The following SLC35F5 variants were observed in gnomAD, a reference collection of about 807,000 sequenced individuals.
SLC35F5 encodes solute carrier family 35 member F5.
SLC35F5 carries 54 observed loss-of-function variants against 68.6 expected under a neutral mutation model. The observed-to-expected ratio is 0.79, with a 90% confidence interval of 0.63 to 0.99. The LOEUF (loss-of-function observed/expected upper bound fraction) is 0.99, where lower values mean the gene tolerates loss of function less well. Among genes scored for constraint, SLC35F5 ranks in the 50% least tolerant of loss-of-function variants. SLC35F5 has a pLI of 0.00. For missense variants in SLC35F5, 567 were observed against 626.9 expected, an observed-to-expected ratio of 0.90 and a Z score of 1.02; for synonymous variants, 211 against 205.2, an observed-to-expected ratio of 1.03 and a Z score of -0.24.
At chr2:113,703,403 A>G (rs1415299978), downstream of SLC35F5, among the ~76,000 whole-genome samples, 2 of 152,212 alleles carry the variant, frequency 1.3e-5, no homozygotes, top group Non-Finnish European at 2.9e-5. Flanking sequence ...TTCCCTGCTT[A>G]TGATTAAAAG....
intron 5 of SLC35F5, 51 bp downstream of exon 5, chr2:113,746,226 A>G (rs1291261803): frequency 6.9e-7 from 1 of 1,440,384 alleles, no homozygotes; most frequent in Non-Finnish European, 9.7e-7. Context: ...AGTTTTTCCT[A>G]CCATGGCTCA....
At position 113,731,828 on chromosome 2, in the gene SLC35F5, G is replaced by C. The variant is rs566731904; in HGVS notation, c.921-180C>G. Among the ~76,000 whole-genome samples the C allele has an allele frequency of 2.0e-4, 31 of 152,146 alleles. No homozygotes were observed. In the South Asian group the frequency reaches 6.4e-3, roughly 32 times the overall value. ...AATATAATAATATAGTGTTATATTTGTATTAACTCATTTAATCCTCACAAA... is the reference window on the plus strand; with the variant it reads ...AATATAATAATATAGTGTTATATTTCTATTAACTCATTTAATCCTCACAAA... On this transcript the variant is annotated intron_variant, in intron 9 of 15. Coordinates refer to ENST00000245680, the MANE Select transcript of SLC35F5 (RefSeq NM_025181.5).
intron 7 of SLC35F5, chr2:113,742,076 T>C (rs1676297989): frequency 6.6e-6 from 1 of 152,216 alleles, no homozygotes; most frequent in African/African-American, 2.4e-5. Flanking sequence ...ATGTTAGAGT[T>C]CTAACTCAGA....
intron 12 of SLC35F5, among the ~76,000 whole-genome samples, chr2:113,724,310 T>C (rs747667114): frequency 6.6e-6 from 1 of 152,124 alleles, no homozygotes; most frequent in African/African-American, 2.4e-5. Flanking sequence ...TGGATCCAAT[T>C]TAGCTAAAGG....
chr2:113,702,910 A>G (rs1686723945), downstream of SLC35F5, among the ~76,000 whole-genome samples: 1 of 152,102 alleles, frequency 6.6e-6, no homozygotes, highest in African/African-American at 2.4e-5. Context: ...GGAGTTCGAG[A>G]CCAGCCTAGG....
rs1195425306 is a variant in SLC35F5 at position 113,712,594 on chromosome 2, C to A, written c.*2624G>T. On this transcript the variant is annotated 3_prime_UTR_variant, in exon 16 of 16. Coordinates refer to ENST00000245680, the MANE Select transcript of SLC35F5 (RefSeq NM_025181.5). The stretch of plus-strand genomic sequence containing the variant: ...CCTCCCAAAGTGCTGGGACTACAGG[C>A]GTGAGCCACCACGCCCGGCCCAAAA... Among the ~76,000 whole-genome samples the A allele has an allele frequency of 1.3e-5, 2 of 152,166 alleles. No homozygotes were observed. Among genetic ancestry groups the A allele is most frequent in the Non-Finnish European group, 2.9e-5 (2 of 68,024 alleles).
intron 13 of SLC35F5, among the ~76,000 whole-genome samples, chr2:113,722,445 T>C (rs1258536874): frequency 1.3e-5 from 2 of 152,148 alleles, no homozygotes; most frequent in Non-Finnish European, 2.9e-5. Context: ...AAAAGTTAAA[T>C]GCCTACATAT....
Position 113,719,141 on chromosome 2 carries a change from G to T in SLC35F5, c.1496+13C>A. The T allele has an allele frequency of 6.2e-7, 1 of 1,600,550 alleles. No homozygotes were observed. Among genetic ancestry groups the T allele is most frequent in the South Asian group, 1.1e-5 (1 of 87,924 alleles). On this transcript the variant is annotated intron_variant, in intron 14 of 15. Transcript: ENST00000245680. ...ACACTATTTTTAAAAATGTGTATTG[G>T]GACTAAACTTACCTCTGAATTCGAT...
rs933044365 is a variant in SLC35F5, at chr2:113,712,147, G to A, written c.*3071C>T. Among the ~76,000 whole-genome samples the A allele has an allele frequency of 6.6e-6, 1 of 152,172 alleles. No homozygotes were observed. The highest frequency in any genetic ancestry group is 1.5e-5 in the Non-Finnish European group (1 of 68,032). On this transcript the variant is annotated 3_prime_UTR_variant, in exon 16 of 16. Coordinates refer to ENST00000245680, the MANE Select transcript of SLC35F5 (RefSeq NM_025181.5). ...TTCTACAAGAACAATGAACTTATTTGTCAGCTGCCAGGGGGAAAATCAGCT... is the reference window on the plus strand; with the variant it reads ...TTCTACAAGAACAATGAACTTATTTATCAGCTGCCAGGGGGAAAATCAGCT...
rs750775700 is a variant in SLC35F5 at position 113,711,832 on chromosome 2, ACATTT to A, written c.*3381_*3385del. 2.4e-4 allele frequency among the ~76,000 whole-genome samples: 37 copies of A among 152,256 alleles called. No homozygotes were observed. The highest frequency in any genetic ancestry group is 4.4e-4 in the Non-Finnish European group (30 of 68,046). On this transcript the variant is annotated 3_prime_UTR_variant, in exon 16 of 16. Coordinates refer to ENST00000245680, the MANE Select transcript of SLC35F5 (RefSeq NM_025181.5). ...ACTATACTTACTTAATATGAAAATG[ACATTT>A]CATTTATTTGCTAATATGTGGAAAA...
intron 11 of SLC35F5, among the ~76,000 whole-genome samples, chr2:113,727,109 C>G (rs1418246752): frequency 6.6e-6 from 1 of 152,102 alleles, no homozygotes; most frequent in African/African-American, 2.4e-5. Context: ...TGAGTTCTTA[C>G]AAGATTTGAT....
In SLC35F5 at chr2:113,725,536, A is replaced by G; in HGVS notation, c.1092T>C (p.Gly364=). 1 of 1,573,940 alleles carries G rather than the reference A, an allele frequency of 6.4e-7. No individual in the cohort carries two copies. Among genetic ancestry groups the G allele is most frequent in the South Asian group, 1.2e-5 (1 of 84,064 alleles). ...EDKLDIPMFF[G]FVGLFNLLLL... ...GCAGCAGATTAAACAAACCTACAAA[A>G]CCTGAACATGTATAAAAGAGACAAG... is the stretch of plus-strand genomic sequence containing the variant. Residue 364 remains glycine, a splice_region_variant and synonymous_variant, in exon 12 of 16, where the codon GGT becomes GGC. Coordinates refer to ENST00000245680, the MANE Select transcript of SLC35F5 (RefSeq NM_025181.5).
At chr2:113,721,318 C>A (rs957013755) in intron 13 of SLC35F5, 1 of 151,774 alleles carries the variant, frequency 6.6e-6, no homozygotes, top group Non-Finnish European at 1.5e-5. Flanking sequence ...TGAAGACAAT[C>A]AAGAACACCA....
At chr2:113,739,452 G>T (rs34004564) in intron 7 of SLC35F5, among the ~76,000 whole-genome samples, 11,997 of 152,178 alleles carry the variant, frequency 0.079, 629 homozygotes, top group Non-Finnish European at 0.12. Context: ...TGTATGTCTG[G>T]ACTATATTCC....
intron 12 of SLC35F5, 115 bp from the exon 13 acceptor site, chr2:113,723,309 A>G: frequency 4.1e-6 from 2 of 483,884 alleles, no homozygotes; most frequent in South Asian, 7.7e-5. Flanking sequence ...CAAAGATAAG[A>G]GGCTAGGATG....
In SLC35F5 at chr2:113,712,893, A is replaced by T. The variant is rs950527152; in HGVS notation, c.*2325T>A. 1 of 152,200 alleles carries T rather than the reference A, an allele frequency of 6.6e-6. No homozygotes were observed. The highest frequency in any genetic ancestry group is 1.5e-5 in the Non-Finnish European group (1 of 68,028). The allele number at this position is 152,200 out of a possible 1,614,324, so 9.4% of individuals were successfully genotyped here. Reference sequence around the variant, plus strand: ...AGGACGTCAGCAGTTACTTGAATGTAACCCCTTCCCAGCATTTCCAAAGAC... The same window carrying T: ...AGGACGTCAGCAGTTACTTGAATGTTACCCCTTCCCAGCATTTCCAAAGAC... On this transcript the variant is annotated 3_prime_UTR_variant, in exon 16 of 16. Transcript: ENST00000245680.
intron 15 of SLC35F5, among the ~76,000 whole-genome samples, chr2:113,716,444 T>C (rs1009662408): frequency 1.3e-5 from 2 of 152,246 alleles, no homozygotes; most frequent in East Asian, 3.9e-4. Context: ...GACAACAATA[T>C]AAACACTGAC....
chr2:113,727,513 G>T (rs999695741), intron 11 of SLC35F5, among the ~76,000 whole-genome samples: 1 of 152,118 alleles, frequency 6.6e-6, no homozygotes, highest in Non-Finnish European at 1.5e-5. Flanking sequence ...GAAATCCCAC[G>T]TAAATTAACA....
chr2:113,716,270 G>A (rs995026287), intron 15 of SLC35F5, among the ~76,000 whole-genome samples: 3 of 152,304 alleles, frequency 2.0e-5, no homozygotes, highest in South Asian at 2.1e-4. Flanking sequence ...CAGACACTCA[G>A]ATGCCCTCTC....
Sources: allele counts gnomAD v4.1 joint callset (sites outside exome capture counted in the v4.1 genomes callset), GRCh38; gene constraint gnomAD v4.1.1; transcripts MANE v1.5; gene names NCBI Gene and HGNC (gene_info 2026-07-23, HGNC 2026-07-21).